CMIP: variants seen among roughly 807,000 people sequenced by gnomAD.
The protein encoded by CMIP is c-Maf inducing protein.
Under a neutral mutation model 97.3 loss-of-function variants are expected in CMIP, and 13 were observed. The observed-to-expected ratio is 0.13, with a 90% CI of 0.09 to 0.21. CMIP has a LOEUF of 0.21. Among genes scored for constraint, CMIP ranks in the 10% least tolerant of loss-of-function variants. CMIP has a pLI of 1.00. For missense variants in CMIP, 847 were observed against 1,024.9 expected, an observed-to-expected ratio of 0.83 and a Z score of 2.37; for synonymous variants, 538 against 436.3, an observed-to-expected ratio of 1.23 and a Z score of -2.91.
At chr16:81,601,503 T>C (rs1477873423) in intron 1 of CMIP, among the ~76,000 whole-genome samples, 1 of 152,144 alleles carries the variant, frequency 6.6e-6, no homozygotes, top group African/African-American at 2.4e-5. Context: ...TCTGAAGATC[T>C]CTGGGGGTTC....
Position 81,709,967 on chromosome 16 carries a change from A to G in CMIP, c.*168A>G, listed in dbSNP as rs1908580391. 3 of 601,520 alleles carry G rather than the reference A, an allele frequency of 5.0e-6. No individual in the cohort carries two copies. The highest frequency in any genetic ancestry group is 1.9e-5 in the South Asian group (1 of 52,748). The allele number at this position is 601,520 out of a possible 1,614,324, so 37.3% of individuals were successfully genotyped here. A position where few individuals can be genotyped will look rare whatever the true frequency, so the allele number is the denominator to read the frequency against. On this transcript the variant is annotated 3_prime_UTR_variant, in exon 21 of 21. Coordinates refer to ENST00000537098, the MANE Select transcript of CMIP (RefSeq NM_198390.3). ...GGAGGGGGTGGGGAGGGGGCCCACA[A>G]GCACGCCCAGCCCCCGCCGAATTCT... is the stretch of plus-strand genomic sequence containing the variant.
chr16:81,647,603 A>AC (rs1230385124), intron 3 of CMIP, among the ~76,000 whole-genome samples: 1 of 151,832 alleles, frequency 6.6e-6, no homozygotes, highest in Non-Finnish European at 1.5e-5. Flanking sequence ...CAGGCCACCC[A>AC]CCCCACCTGG....
In CMIP at chr16:81,447,217, T is replaced by C. The variant is rs548168116; in HGVS notation, c.300+1676T>C. Among the ~76,000 whole-genome samples, 168 of 149,910 alleles carry C rather than the reference T, an allele frequency of 1.1e-3. 6 individuals carry two copies. In the South Asian group the frequency reaches 0.034, roughly 30 times the overall value. On this transcript the variant is annotated intron_variant, in intron 1 of 20. Coordinates refer to ENST00000537098, the MANE Select transcript of CMIP (RefSeq NM_198390.3). ...TCTGGCTTCAGAATTTTCACCTGGC[T>C]CAGGGGGACTTTATTGGGCTTTTTT...
At chr16:81,493,018 G>T (rs1394555706) in intron 1 of CMIP, among the ~76,000 whole-genome samples, 2 of 152,152 alleles carry the variant, frequency 1.3e-5, no homozygotes, top group African/African-American at 2.4e-5. Context: ...GGGACTCTGG[G>T]CTGGAAAGGA....
In CMIP at chr16:81,626,129, G is replaced by A. The variant is rs564262769; in HGVS notation, c.477+5203G>A. Among the ~76,000 whole-genome samples the A allele has an allele frequency of 9.8e-5, 15 of 152,366 alleles. 1 individual carries two copies. The highest frequency in any genetic ancestry group is 3.9e-4 in the East Asian group (2 of 5,190). On this transcript the variant is annotated intron_variant, in intron 3 of 20. Transcript: ENST00000537098. ...GGGTGGCCACAGCCCCTCGATCACC[G>A]CATCCAGGCCCAGGCCTCTGTCCCT...
At chr16:81,502,487 C>T (rs572072172) in intron 1 of CMIP, among the ~76,000 whole-genome samples, 3 of 152,250 alleles carry the variant, frequency 2.0e-5, no homozygotes, top group African/African-American at 4.8e-5. Context: ...CTGGGTTACC[C>T]GCAGAACGGA....
At chr16:81,657,051 A>C (rs898503351) in intron 4 of CMIP, among the ~76,000 whole-genome samples, 3 of 147,956 alleles carry the variant, frequency 2.0e-5, no homozygotes, top group African/African-American at 7.4e-5. Context: ...TCCAAAATTT[A>C]AAAAAAAAAA....
At chr16:81,506,961 A>T (rs1382051120) in intron 1 of CMIP, among the ~76,000 whole-genome samples, 1 of 151,424 alleles carries the variant, frequency 6.6e-6, no homozygotes. Flanking sequence ...TCCTCTAAAG[A>T]AAGATCATCG....
In CMIP at chr16:81,670,124, C is replaced by A. The variant is rs1351805079; in HGVS notation, c.826-18C>A. 6.3e-7 allele frequency: 1 copy of A among 1,598,420 alleles called. No individual in the cohort carries two copies. The highest frequency in any genetic ancestry group is 1.7e-5 in the Admixed American group (1 of 57,932). ...TGCCTAGCACCGTCCCGACTCCTGT[C>A]CTCTGCTGTCTCCACAGGACTTTGG... On this transcript the variant is annotated intron_variant, in intron 7 of 20. Transcript: ENST00000537098.
At chr16:81,598,568 G>A (rs2091602780) in intron 1 of CMIP, among the ~76,000 whole-genome samples, 1 of 152,174 alleles carries the variant, frequency 6.6e-6, no homozygotes, top group African/African-American at 2.4e-5. Context: ...CAAGAGGGAT[G>A]TATTTTTCTC....
At chr16:81,553,760 C>T (rs1033861704) in intron 1 of CMIP, among the ~76,000 whole-genome samples, 2 of 150,048 alleles carry the variant, frequency 1.3e-5, no homozygotes, top group African/African-American at 5.0e-5. Flanking sequence ...GGCAGCATGG[C>T]CAAGATTCCT....
intron 1 of CMIP, among the ~76,000 whole-genome samples, chr16:81,547,324 G>C (rs1373144318): frequency 6.6e-6 from 1 of 152,202 alleles, no homozygotes; most frequent in African/African-American, 2.4e-5. Context: ...GGTGACTCTG[G>C]AGGGGGACAC....
At chr16:81,480,444 G>T (rs1371731534) in intron 1 of CMIP, among the ~76,000 whole-genome samples, 1 of 152,216 alleles carries the variant, frequency 6.6e-6, no homozygotes, top group East Asian at 1.9e-4. Flanking sequence ...GGAGGCTGAG[G>T]CATGAGAATC....
chr16:81,567,070 G>A (rs1372300916), intron 1 of CMIP, among the ~76,000 whole-genome samples: 1 of 152,232 alleles, frequency 6.6e-6, no homozygotes, highest in African/African-American at 2.4e-5. Context: ...CTTGCCATCA[G>A]TATGTATGAG....
At chr16:81,495,600 C>A (rs962730356) in intron 1 of CMIP, 5 of 1,204,334 alleles carry the variant, frequency 4.2e-6, no homozygotes, top group African/African-American at 1.5e-5. Flanking sequence ...ACCCACTTCT[C>A]AGAGGGTGGG....
intron 1 of CMIP, among the ~76,000 whole-genome samples, chr16:81,466,752 G>A (rs551764833): frequency 5.9e-5 from 9 of 152,296 alleles, no homozygotes; most frequent in East Asian, 1.9e-4. Context: ...GCACAGCGCC[G>A]TTTCCCTGGG....
chr16:81,624,480 C>T (rs886927075), intron 3 of CMIP, among the ~76,000 whole-genome samples: 32 of 146,346 alleles, frequency 2.2e-4, no homozygotes, highest in African/African-American at 7.6e-4. Context: ...AAGTGCGAGA[C>T]TCCGTCTCAA....
chr16:81,681,936 C>T (rs751815496), intron 10 of CMIP, among the ~76,000 whole-genome samples: 3 of 152,102 alleles, frequency 2.0e-5, no homozygotes, highest in South Asian at 2.1e-4. Context: ...CAGCCTGGTG[C>T]GGTGGCTCAC....
chr16:81,661,260 A>C (rs936069249), intron 6 of CMIP, among the ~76,000 whole-genome samples: 3 of 152,212 alleles, frequency 2.0e-5, no homozygotes, highest in African/African-American at 7.2e-5. Context: ...TTATTAGCCA[A>C]GGTTCCTCTG....
Sources: allele counts gnomAD v4.1 joint callset (sites outside exome capture counted in the v4.1 genomes callset), GRCh38; gene constraint gnomAD v4.1.1; transcripts MANE v1.5; gene names NCBI Gene and HGNC (gene_info 2026-07-23, HGNC 2026-07-21).